EYA4: variants seen among roughly 807,000 people sequenced by gnomAD.
The protein encoded by EYA4 is EYA transcriptional coactivator and phosphatase 4.
In EYA4, 31 loss-of-function variants were observed where a neutral mutation model predicts 87.9. The ratio of observed to expected loss-of-function variants is 0.35; its 90% CI spans 0.27 to 0.48. EYA4 has a LOEUF of 0.48. Ranked by LOEUF, EYA4 falls within the 20% of genes least tolerant of loss-of-function variation. The pLI, the probability that EYA4 is intolerant of heterozygous loss-of-function variation, is 0.99. For missense variants in EYA4, 678 were observed against 761.4 expected, an observed-to-expected ratio of 0.89 and a Z score of 1.29; for synonymous variants, 263 against 270.6, an observed-to-expected ratio of 0.97 and a Z score of 0.28.
chr6:133,240,945 G>C (rs1773892942), upstream of EYA4: 1 of 152,272 alleles, frequency 6.6e-6, no homozygotes, highest in South Asian at 2.1e-4. Flanking sequence ...AAGCAGGTGG[G>C]GATCGACAGT....
chr6:133,249,173 T>A (rs1287036483), intron 1 of EYA4, among the ~76,000 whole-genome samples: 1 of 152,168 alleles, frequency 6.6e-6, no homozygotes, highest in Non-Finnish European at 1.5e-5. Flanking sequence ...TTTTATTGTA[T>A]TCTTATATTT....
intron 2 of EYA4, among the ~76,000 whole-genome samples, chr6:133,280,185 C>T (rs1777504948): frequency 6.6e-6 from 1 of 152,002 alleles, no homozygotes; most frequent in South Asian, 2.1e-4. Flanking sequence ...TTATACTATC[C>T]AACTGAATAA....
At chr6:133,298,371 G>A (rs557096535) in intron 2 of EYA4, among the ~76,000 whole-genome samples, 1 of 152,244 alleles carries the variant, frequency 6.6e-6, no homozygotes, top group East Asian at 1.9e-4. Flanking sequence ...AACCAAAATT[G>A]GAGTTCTGGA....
At chr6:133,260,969 C>T (rs1286528693) in intron 1 of EYA4, among the ~76,000 whole-genome samples, 1 of 152,152 alleles carries the variant, frequency 6.6e-6, no homozygotes, top group African/African-American at 2.4e-5. Context: ...GTAAACGTAC[C>T]TTTTCCTCTT....
intron 2 of EYA4, among the ~76,000 whole-genome samples, chr6:133,304,604 G>T (rs1779667458): frequency 6.6e-6 from 1 of 152,134 alleles, no homozygotes; most frequent in Non-Finnish European, 1.5e-5. Context: ...TGTGTATCAT[G>T]GTAAGGAGAC....
At chr6:133,350,673 C>G (rs895979377) in intron 2 of EYA4, among the ~76,000 whole-genome samples, 3 of 152,014 alleles carry the variant, frequency 2.0e-5, no homozygotes, top group Non-Finnish European at 4.4e-5. Context: ...TATTCTTTGT[C>G]GTTTGCTCTC....
At chr6:133,346,383 A>C (rs1783196485) in intron 2 of EYA4, among the ~76,000 whole-genome samples, 1 of 152,220 alleles carries the variant, frequency 6.6e-6, no homozygotes, top group African/African-American at 2.4e-5. Flanking sequence ...ACTAGTAGTC[A>C]GACGAAGTCG....
intron 2 of EYA4, among the ~76,000 whole-genome samples, chr6:133,300,314 G>T (rs538757938): frequency 6.6e-6 from 1 of 152,102 alleles, no homozygotes; most frequent in East Asian, 1.9e-4. Context: ...AACTCATGTT[G>T]TTCAAGGGTC....
At chr6:133,325,830 G>A (rs1052802795) in intron 2 of EYA4, among the ~76,000 whole-genome samples, 1 of 152,232 alleles carries the variant, frequency 6.6e-6, no homozygotes. Context: ...AATGAAAGGT[G>A]TAGCTGTTAG....
intron 17 of EYA4, among the ~76,000 whole-genome samples, chr6:133,521,048 G>T (rs963720948): frequency 5.9e-5 from 9 of 151,456 alleles, no homozygotes; most frequent in African/African-American, 2.2e-4. Context: ...CAGGACATAG[G>T]CATGGGCAAG....
chr6:133,341,975 G>T (rs1195717339), intron 2 of EYA4, among the ~76,000 whole-genome samples: 6 of 152,042 alleles, frequency 3.9e-5, no homozygotes, highest in Non-Finnish European at 7.4e-5. Context: ...ACAGGATTTG[G>T]TCTAATGCTG....
At chr6:133,505,839 CCTT>C (rs1473253479) in intron 13 of EYA4, among the ~76,000 whole-genome samples, 1 of 152,166 alleles carries the variant, frequency 6.6e-6, no homozygotes, top group Non-Finnish European at 1.5e-5. Context: ...TTTCCTTCCT[CCTT>C]CTCTCCTCAA....
intron 2 of EYA4, among the ~76,000 whole-genome samples, chr6:133,374,710 T>G (rs1310226719): frequency 6.6e-6 from 1 of 151,920 alleles, no homozygotes; most frequent in Non-Finnish European, 1.5e-5. Context: ...AGGGAGAAGC[T>G]TGGTTAAGGA....
chr6:133,248,575 A>G (rs1298843003), intron 1 of EYA4: 1 of 152,224 alleles, frequency 6.6e-6, no homozygotes, highest in Non-Finnish European at 1.5e-5. Context: ...TCTGATTAAG[A>G]GATTGAATAT....
At chr6:133,291,102 TGGCTGCTAA>T (rs1778452047) in intron 2 of EYA4, among the ~76,000 whole-genome samples, 1 of 152,206 alleles carries the variant, frequency 6.6e-6, no homozygotes, top group African/African-American at 2.4e-5. Context: ...AAAAATAATT[TGGCTGCTAA>T]GTTACTGTAG....
chr6:133,417,236 G>C (rs1472563284), intron 3 of EYA4, among the ~76,000 whole-genome samples: 1 of 152,146 alleles, frequency 6.6e-6, no homozygotes, highest in African/African-American at 2.4e-5. Flanking sequence ...TGGCATTTCA[G>C]GCAGAACCAA....
At chr6:133,263,677 A>C (rs1775979242) in intron 1 of EYA4, among the ~76,000 whole-genome samples, 1 of 152,204 alleles carries the variant, frequency 6.6e-6, no homozygotes, top group Admixed American at 6.5e-5. Flanking sequence ...CATGCAAGCA[A>C]ACCTTAATAT....
At chr6:133,426,213 G>A (rs1683994578) in intron 3 of EYA4, among the ~76,000 whole-genome samples, 2 of 152,168 alleles carry the variant, frequency 1.3e-5, no homozygotes, top group South Asian at 4.1e-4. Context: ...GCTAGACTGT[G>A]ACCACAGCAA....
intron 5 of EYA4, among the ~76,000 whole-genome samples, chr6:133,448,407 A>G (rs1426841736): frequency 1.3e-5 from 2 of 151,910 alleles, no homozygotes; most frequent in South Asian, 2.1e-4. Context: ...CTTTTCTTAA[A>G]TTTTTCATAA....
Sources: allele counts gnomAD v4.1 joint callset (sites outside exome capture counted in the v4.1 genomes callset), GRCh38; gene constraint gnomAD v4.1.1; transcripts MANE v1.5; gene names NCBI Gene and HGNC (gene_info 2026-07-23, HGNC 2026-07-21).